EPSTI1: variants seen among roughly 807,000 people sequenced by gnomAD.
EPSTI1 encodes the protein epithelial stromal interaction 1.
EPSTI1 carries 66 observed loss-of-function variants against 49.9 expected under a neutral mutation model. The observed-to-expected ratio is 1.32, with a 90% CI of 1.08 to 1.62. The LOEUF (loss-of-function observed/expected upper bound fraction) is 1.62, where lower values mean the gene tolerates loss of function less well. EPSTI1 is among the 40% of genes most tolerant of loss of function. EPSTI1 has a pLI of 0.00. For missense variants in EPSTI1, 394 were observed against 365.5 expected (o/e 1.08, Z -0.64); for synonymous variants, 137 against 130.7 (o/e 1.05, Z -0.33).
At chr13:42,915,541 GA>G (rs768612907) in intron 8 of EPSTI1, among the ~76,000 whole-genome samples, 1 of 152,028 alleles carries the variant, frequency 6.6e-6, no homozygotes, top group Non-Finnish European at 1.5e-5. Context: ...CAAAAAAAGA[GA>G]AATGCCTTCA....
chr13:42,942,750 G>A (rs1347146466), intron 6 of EPSTI1, among the ~76,000 whole-genome samples: 2 of 132,624 alleles, frequency 1.5e-5, no homozygotes, highest in African/African-American at 2.9e-5. Flanking sequence ...CTGCAGTGGC[G>A]CAATCTCGGC....
chr13:42,917,642 GAAAAA>G lies in EPSTI1; in HGVS notation c.658-23_658-19del. The G allele has an allele frequency of 9.4e-6, 4 of 425,600 alleles. No homozygotes were observed. Among genetic ancestry groups the G allele is most frequent in the Non-Finnish European group, 1.2e-5 (3 of 245,744 alleles). The allele number at this position is 425,600 out of a possible 1,614,324, so 26.4% of individuals were successfully genotyped here. ...CTTCTGGCCTGTAAAGGTACAAAGA[GAAAAA>G]AAAAAAAAAAAACAACTTGATAGGA... On this transcript the variant is annotated intron_variant, in intron 7 of 10. Coordinates refer to ENST00000313624, the MANE Select transcript of EPSTI1 (RefSeq NM_033255.5).
chr13:42,900,425 A>G, intron 8 of EPSTI1, 42 bp from the exon 9 acceptor site: 1 of 1,574,290 alleles, frequency 6.4e-7, no homozygotes, highest in Non-Finnish European at 8.7e-7. Flanking sequence ...TTCAATTAAC[A>G]CAGTTGTACA....
chr13:42,918,611 A>G lies in EPSTI1; in HGVS notation c.658-987T>C, dbSNP rs184382611. ...CTGTCACTATAAAAACCCATATCCC[A>G]TCAAATAATAAGAACCACTTCCCAG... On this transcript the variant is annotated intron_variant, in intron 7 of 10. Coordinates refer to ENST00000313624, the MANE Select transcript of EPSTI1 (RefSeq NM_033255.5). 3.3e-5 allele frequency among the ~76,000 whole-genome samples: 5 copies of G among 152,306 alleles called. No homozygotes were observed. In the East Asian group the frequency reaches 9.6e-4, roughly 29 times the overall value.
Position 42,917,638 on chromosome 13 carries a change from A to ACC in EPSTI1, c.658-15_658-14insGG. 1.0e-6 allele frequency: 1 copy of ACC among 990,220 alleles called. No homozygotes were observed. The highest frequency in any genetic ancestry group is 1.5e-6 in the Non-Finnish European group (1 of 680,178). 61.3% of individuals were successfully genotyped at this position (990,220 alleles called of 1,614,324 possible). A position where few individuals can be genotyped will look rare whatever the true frequency, so the allele number is the denominator to read the frequency against. ...CCAGCTTCTGGCCTGTAAAGGTACAAAGAGAAAAAAAAAAAAAAAAACAAC... is the reference window on the plus strand; with the variant it reads ...CCAGCTTCTGGCCTGTAAAGGTACAACCAGAGAAAAAAAAAAAAAAAAACAAC... On this transcript the variant is annotated splice_polypyrimidine_tract_variant and intron_variant, in intron 7 of 10. Coordinates refer to ENST00000313624, the MANE Select transcript of EPSTI1 (RefSeq NM_033255.5).
chr13:42,948,801 T>C (rs374120339), intron 6 of EPSTI1, among the ~76,000 whole-genome samples: 1 of 152,228 alleles, frequency 6.6e-6, no homozygotes, highest in African/African-American at 2.4e-5. Context: ...TATTACTTTA[T>C]TTGATTAAAA....
At chr13:42,911,296 T>TGCGC (rs1566110051) in intron 8 of EPSTI1, among the ~76,000 whole-genome samples, 36 of 118,082 alleles carry the variant, frequency 3.0e-4, no homozygotes, top group East Asian at 2.6e-3. Flanking sequence ...TGTGTGAGTG[T>TGCGC]GCACATGCTT....
chr13:42,900,217 A>T, intron 9 of EPSTI1, 93 bp downstream of exon 9: 1 of 1,145,654 alleles, frequency 8.7e-7, no homozygotes, highest in Non-Finnish European at 1.3e-6. Flanking sequence ...AAACCATATT[A>T]ATAATGTTAT....
At chr13:42,902,312 C>T (rs1260590840) in intron 8 of EPSTI1, among the ~76,000 whole-genome samples, 2 of 151,836 alleles carry the variant, frequency 1.3e-5, no homozygotes, top group Non-Finnish European at 2.9e-5. Flanking sequence ...CTAATTCATC[C>T]TCCTGTTTTC....
At chr13:42,904,217 G>A (rs964618653) in intron 8 of EPSTI1, among the ~76,000 whole-genome samples, 6 of 152,112 alleles carry the variant, frequency 3.9e-5, no homozygotes, top group African/African-American at 1.4e-4. Context: ...CTGAGACTCA[G>A]GAAATGTCCC....
At chr13:42,945,938 T>A (rs1241596513) in intron 6 of EPSTI1, among the ~76,000 whole-genome samples, 1 of 152,246 alleles carries the variant, frequency 6.6e-6, no homozygotes, top group Non-Finnish European at 1.5e-5. Context: ...GATTTTTGTA[T>A]CTATAAGTTC....
rs1753274679 is a variant in EPSTI1, at chr13:42,888,438, T to C, written c.*56A>G. ...AACAAAATCACATTAAGAAAAAGCA[T>C]CTCATGAGGCTTTTCGAGGTCAGTT... On this transcript the variant is annotated 3_prime_UTR_variant, in exon 11 of 11. Coordinates refer to ENST00000313624, the MANE Select transcript of EPSTI1 (RefSeq NM_033255.5). 1.2e-6 allele frequency: 2 copies of C among 1,613,900 alleles called. No individual in the cohort carries two copies. The highest frequency in any genetic ancestry group is 8.5e-7 in the Non-Finnish European group (1 of 1,179,880).
At position 42,889,262 on chromosome 13, in the gene EPSTI1, T is replaced by C. The variant is rs1243857070; in HGVS notation, c.916-760A>G. 6.3e-6 allele frequency: 9 copies of C among 1,439,898 alleles called. No individual in the cohort carries two copies. The South Asian group carries it at 8.1e-5, about 13-fold the overall frequency. 89.2% of individuals were successfully genotyped at this position (1,439,898 alleles called of 1,614,324 possible). A position where few individuals can be genotyped will look rare whatever the true frequency, so the allele number is the denominator to read the frequency against. On this transcript the variant is annotated intron_variant, in intron 10 of 10. Coordinates refer to ENST00000313624, the MANE Select transcript of EPSTI1 (RefSeq NM_033255.5). The stretch of plus-strand genomic sequence containing the variant: ...AGAACCCTAGAAAAATAAAAAAATA[T>C]ATTTTTTACATATAAAAGCAATTAT...
rs56259281 is a variant in EPSTI1 at position 42,983,563 on chromosome 13, C to CAAAAAAAAAAAAAA, written c.188+8401_188+8414dup. On this transcript the variant is annotated intron_variant, in intron 1 of 10. Transcript: ENST00000313624. ...TGGGCAACAGAGCGAGACTCCATCT[C>CAAAAAAAAAAAAAA]AAAAAAAAAAAAAAAAAAAAAAAAA... 1.0e-3 allele frequency among the ~76,000 whole-genome samples: 100 copies of CAAAAAAAAAAAAAA among 95,488 alleles called. 3 individuals are homozygous for CAAAAAAAAAAAAAA. The highest frequency in any genetic ancestry group is 1.3e-3 in the Non-Finnish European group (72 of 53,702). 62.6% of individuals were successfully genotyped at this position (95,488 alleles called of 152,430 possible).
At chr13:42,912,427 C>T (rs956638283) in intron 8 of EPSTI1, among the ~76,000 whole-genome samples, 11 of 152,234 alleles carry the variant, frequency 7.2e-5, no homozygotes, top group African/African-American at 1.9e-4. Flanking sequence ...AACAGGGCAA[C>T]GTCCCAAGTA....
intron 7 of EPSTI1, among the ~76,000 whole-genome samples, chr13:42,918,905 A>G (rs563508495): frequency 1.3e-5 from 2 of 152,132 alleles, no homozygotes; most frequent in Admixed American, 6.5e-5. Flanking sequence ...CTTTATCACA[A>G]ATATTCCATA....
intron 1 of EPSTI1, among the ~76,000 whole-genome samples, chr13:42,985,258 A>T (rs2040056812): frequency 6.6e-6 from 1 of 152,198 alleles, no homozygotes; most frequent in Non-Finnish European, 1.5e-5. Context: ...TTTAAGGAAA[A>T]GTGAGGAAAG....
chr13:42,945,975 A>T (rs1043321794), intron 6 of EPSTI1, among the ~76,000 whole-genome samples: 3 of 152,244 alleles, frequency 2.0e-5, no homozygotes, highest in Non-Finnish European at 2.9e-5. Flanking sequence ...ATAGAAAGTT[A>T]TGAATAGGAT....
chr13:42,985,664 T>C (rs1292728542), intron 1 of EPSTI1, among the ~76,000 whole-genome samples: 3 of 151,980 alleles, frequency 2.0e-5, no homozygotes, highest in African/African-American at 4.8e-5. Flanking sequence ...AATAGAGGAG[T>C]TCTGCATGGG....
Sources: allele counts gnomAD v4.1 joint callset (sites outside exome capture counted in the v4.1 genomes callset), GRCh38; gene constraint gnomAD v4.1.1; transcripts MANE v1.5; gene names NCBI Gene and HGNC (gene_info 2026-07-23, HGNC 2026-07-21).